Variants in CNTNAP2 observed in about 807,000 individuals in gnomAD.
CNTNAP2 encodes contactin associated protein 2.
CNTNAP2 carries 98 observed loss-of-function variants against 155.2 expected under a neutral mutation model. The ratio of observed to expected loss-of-function variants is 0.63; its 90% CI spans 0.54 to 0.75. The LOEUF (loss-of-function observed/expected upper bound fraction) is 0.75. Among genes scored for constraint, CNTNAP2 ranks in the 30% least tolerant of loss-of-function variants. The pLI is 0.00. For missense variants in CNTNAP2, 1,727 were observed against 1,688.1 expected (o/e 1.02, Z -0.40); for synonymous variants, 651 against 631.2 (o/e 1.03, Z -0.47).
chr7:146,256,463 C>CA (rs1359607481), intron 1 of CNTNAP2, among the ~76,000 whole-genome samples: 2 of 151,508 alleles, frequency 1.3e-5, no homozygotes, highest in Non-Finnish European at 2.9e-5. Flanking sequence ...ATACATGTAA[C>CA]AAAAATATGG....
intron 1 of CNTNAP2, among the ~76,000 whole-genome samples, chr7:146,236,054 GTTACTTTTTACT>G (rs915647881): frequency 6.6e-6 from 1 of 151,770 alleles, no homozygotes; most frequent in African/African-American, 2.4e-5. Context: ...TCCTTGTACT[GTTACTTTTTACT>G]GTACATCTGT....
At chr7:148,168,791 T>G (rs1805722500) in intron 17 of CNTNAP2, among the ~76,000 whole-genome samples, 1 of 152,200 alleles carries the variant, frequency 6.6e-6, no homozygotes, top group Non-Finnish European at 1.5e-5. Context: ...TTGCTGAAGA[T>G]CCATGAAATA....
In CNTNAP2 at chr7:146,598,755, G is replaced by A. The variant is rs1798901581; in HGVS notation, c.98-175516G>A. On this transcript the variant is annotated intron_variant, in intron 1 of 23. Transcript: ENST00000361727. ...TCTCTATGTAAATCACTCTTTAGGT[G>A]ATCTCACTCAGCATCATGGCTCTAA... 2.0e-5 allele frequency among the ~76,000 whole-genome samples: 3 copies of A among 152,028 alleles called. No individual in the cohort carries two copies. In the South Asian group the frequency reaches 6.2e-4, roughly 32 times the overall value.
chr7:147,015,862 G>C (rs547531950), intron 3 of CNTNAP2, among the ~76,000 whole-genome samples: 1 of 152,116 alleles, frequency 6.6e-6, no homozygotes, highest in Admixed American at 6.6e-5. Context: ...CCAGGAAGTA[G>C]TGTCTACAGT....
chr7:147,580,797 G>A lies in CNTNAP2; in HGVS notation c.1897+18540G>A, dbSNP rs1215726711. Among the ~76,000 whole-genome samples, 3 of 152,062 alleles carry A rather than the reference G, an allele frequency of 2.0e-5. No individual in the cohort carries two copies. In the East Asian group the frequency reaches 5.8e-4, roughly 29 times the overall value. On this transcript the variant is annotated intron_variant, in intron 12 of 23. Coordinates refer to ENST00000361727, the MANE Select transcript of CNTNAP2 (RefSeq NM_014141.6). ...TGCCCAGCTAATTTTTGTATTTTTAGCAGAGGCAGGGTTTCAGCATGTTGA... is the reference window on the plus strand; with the variant it reads ...TGCCCAGCTAATTTTTGTATTTTTAACAGAGGCAGGGTTTCAGCATGTTGA...
intron 10 of CNTNAP2, among the ~76,000 whole-genome samples, chr7:147,463,515 G>A (rs1198490205): frequency 1.3e-5 from 2 of 152,116 alleles, no homozygotes; most frequent in Non-Finnish European, 2.9e-5. Context: ...GTAAAATAGA[G>A]ATAAAACAAA....
At chr7:146,347,606 C>T (rs1794838405) in intron 1 of CNTNAP2, among the ~76,000 whole-genome samples, 1 of 152,168 alleles carries the variant, frequency 6.6e-6, no homozygotes, top group Non-Finnish European at 1.5e-5. Context: ...TGTTTTGTCA[C>T]CCAGCCTGGA....
intron 15 of CNTNAP2, among the ~76,000 whole-genome samples, chr7:148,008,038 TA>T (rs933747561): frequency 6.6e-6 from 1 of 151,970 alleles, no homozygotes; most frequent in African/African-American, 2.4e-5. Flanking sequence ...ATTCGCTGGG[TA>T]GGTAGAATCT....
chr7:147,604,263 A>G (rs1309234305), intron 12 of CNTNAP2, among the ~76,000 whole-genome samples: 1 of 151,732 alleles, frequency 6.6e-6, no homozygotes, highest in Non-Finnish European at 1.5e-5. Context: ...CAGCAAAAGA[A>G]ACTACCATGA....
intron 8 of CNTNAP2, among the ~76,000 whole-genome samples, chr7:147,298,669 C>T (rs937352522): frequency 6.6e-6 from 1 of 152,160 alleles, no homozygotes; most frequent in Non-Finnish European, 1.5e-5. Flanking sequence ...AGTAAATAGC[C>T]TAGGCTTTAT....
chr7:146,982,574 G>C (rs1798038009), intron 3 of CNTNAP2, among the ~76,000 whole-genome samples: 1 of 152,146 alleles, frequency 6.6e-6, no homozygotes, highest in African/African-American at 2.4e-5. Flanking sequence ...CTATGTGTGT[G>C]ATTAAGAGGG....
chr7:146,988,922 G>C (rs911429240), intron 3 of CNTNAP2, among the ~76,000 whole-genome samples: 1 of 152,150 alleles, frequency 6.6e-6, no homozygotes, highest in Non-Finnish European at 1.5e-5. Flanking sequence ...GTGTTTTTCA[G>C]CTTCCTGATG....
At chr7:146,801,446 TTAAG>T (rs1314260779) in intron 2 of CNTNAP2, among the ~76,000 whole-genome samples, 3 of 152,174 alleles carry the variant, frequency 2.0e-5, no homozygotes, top group African/African-American at 4.8e-5. Context: ...AAGGTACAAA[TTAAG>T]TAATATATGT....
intron 22 of CNTNAP2, among the ~76,000 whole-genome samples, chr7:148,387,100 GCA>G (rs1799228317): frequency 6.6e-6 from 1 of 152,092 alleles, no homozygotes; most frequent in African/African-American, 2.4e-5. Context: ...GGGAGGTATG[GCA>G]GCCTCATTTT....
At chr7:146,740,857 T>G (rs201270775) in intron 1 of CNTNAP2, among the ~76,000 whole-genome samples, 1 of 152,176 alleles carries the variant, frequency 6.6e-6, no homozygotes, top group East Asian at 1.9e-4. Context: ...ACCACTGATG[T>G]CAATATGGCA....
In CNTNAP2 at chr7:146,961,926, A is replaced by G. The variant is rs77993034; in HGVS notation, c.403-81981A>G. On this transcript the variant is annotated intron_variant, in intron 3 of 23. Transcript: ENST00000361727. ...AATGTGCTACAGACTTGGAGTGACT[A>G]ATGAGCTGCTTGAGGTCATAGAGAG... is the stretch of plus-strand genomic sequence containing the variant. 2.6e-5 allele frequency among the ~76,000 whole-genome samples: 4 copies of G among 152,272 alleles called. No homozygotes were observed. In the East Asian group the frequency reaches 7.8e-4, roughly 30 times the overall value.
intron 14 of CNTNAP2, among the ~76,000 whole-genome samples, chr7:147,947,035 C>T (rs888502829): frequency 4.6e-5 from 7 of 152,034 alleles, no homozygotes; most frequent in African/African-American, 1.4e-4. Flanking sequence ...AAGCCCAAAG[C>T]ACGGTGGTCT....
At chr7:146,679,857 A>G (rs1337125437) in intron 1 of CNTNAP2, among the ~76,000 whole-genome samples, 1 of 152,108 alleles carries the variant, frequency 6.6e-6, no homozygotes, top group African/African-American at 2.4e-5. Context: ...ATACTTATTT[A>G]TATTCCAAAT....
chr7:147,035,144 A>T (rs1027143768), intron 3 of CNTNAP2, among the ~76,000 whole-genome samples: 4 of 152,118 alleles, frequency 2.6e-5, no homozygotes, highest in Non-Finnish European at 4.4e-5. Context: ...CTATGGAACG[A>T]GGGGATTGAG....
Sources: gnomAD v4.1 joint callset for allele counts (sites outside exome capture counted in the v4.1 genomes callset) on GRCh38, gnomAD v4.1.1 for gene constraint, MANE v1.5 for transcripts, NCBI Gene and HGNC (gene_info 2026-07-23, HGNC 2026-07-21) for gene names.